Variants in FRAS1 observed in about 807,000 individuals in gnomAD.
The protein encoded by FRAS1 is Fraser extracellular matrix complex subunit 1.
In FRAS1, 290 loss-of-function variants were observed where a neutral mutation model predicts 435.2. That is an observed-to-expected ratio of 0.67 (90% CI 0.61 to 0.73). The LOEUF (loss-of-function observed/expected upper bound fraction) is 0.73. Ranked by LOEUF, FRAS1 falls within the 30% of genes least tolerant of loss-of-function variation. FRAS1 has a pLI of 0.00. For synonymous variants in FRAS1, 1,800 were observed against 1,851.0 expected (o/e 0.97, Z 0.71); for missense variants, 4,860 against 5,001.5 (o/e 0.97, Z 0.85).
In FRAS1 at chr4:78,105,099, G is replaced by A. The variant is rs76620313; in HGVS notation, c.108+39083G>A. Among the ~76,000 whole-genome samples the A allele has an allele frequency of 7.4e-3, 1,131 of 152,084 alleles. 33 individuals are homozygous for A. The South Asian group carries it at 0.091, about 12-fold the overall frequency. ...GCTGTTCTCCCAATTTCTCCTCCTG[G>A]CATCAGCTGGCTCCCTGTGGATATG... On this transcript the variant is annotated intron_variant, in intron 2 of 73. Transcript: ENST00000512123.
intron 59 of FRAS1, among the ~76,000 whole-genome samples, chr4:78,491,045 T>C (rs1244200638): frequency 6.6e-6 from 1 of 152,140 alleles, no homozygotes; most frequent in Non-Finnish European, 1.5e-5. Flanking sequence ...GCAAATAAAC[T>C]AGAAAATCTG....
intron 2 of FRAS1, among the ~76,000 whole-genome samples, chr4:78,152,848 A>G (rs1449299534): frequency 6.6e-6 from 1 of 151,960 alleles, no homozygotes; most frequent in Non-Finnish European, 1.5e-5. Context: ...ATATGATATG[A>G]TTATAAATTG....
chr4:78,312,269 T>C (rs1331306353), intron 15 of FRAS1, among the ~76,000 whole-genome samples: 3 of 150,598 alleles, frequency 2.0e-5, no homozygotes, highest in Non-Finnish European at 4.4e-5. Context: ...TGTTTAGTAA[T>C]TCAGCCTAGC....
At chr4:78,118,485 C>T (rs1718799919) in intron 2 of FRAS1, among the ~76,000 whole-genome samples, 1 of 152,154 alleles carries the variant, frequency 6.6e-6, no homozygotes, top group Non-Finnish European at 1.5e-5. Flanking sequence ...AGCTTCCCGG[C>T]TGCTTTGTTT....
intron 30 of FRAS1, among the ~76,000 whole-genome samples, chr4:78,405,817 G>A (rs1303909419): frequency 6.6e-6 from 1 of 152,222 alleles, no homozygotes; most frequent in African/African-American, 2.4e-5. Flanking sequence ...ATTGTTAGAT[G>A]CATTTTCATG....
chr4:78,065,081 T>TATATATATATATACACACACAC lies in FRAS1; in HGVS notation c.77-901_77-900insTATATATATACACACACACATA, dbSNP rs762909923. On this transcript the variant is annotated intron_variant, in intron 1 of 73. Coordinates refer to ENST00000512123, the MANE Select transcript of FRAS1 (RefSeq NM_025074.7). Reference sequence around the variant, plus strand: ...GTGTATATATATATATATATATATATATACATACACACACACACACTAAAT... The same window carrying TATATATATATATACACACACAC: ...GTGTATATATATATATATATATATATATATATATATATACACACACACATACATACACACACACACACTAAAT... 5.7e-3 allele frequency among the ~76,000 whole-genome samples: 711 copies of TATATATATATATACACACACAC among 125,586 alleles called. 4 individuals are homozygous for TATATATATATATACACACACAC. The highest frequency in any genetic ancestry group is 0.016 in the African/African-American group (537 of 32,868). 82.4% of individuals were successfully genotyped at this position (125,586 alleles called of 152,430 possible). A position where few individuals can be genotyped will look rare whatever the true frequency, so the allele number is the denominator to read the frequency against.
intron 2 of FRAS1, among the ~76,000 whole-genome samples, chr4:78,213,549 C>T (rs960914249): frequency 6.6e-6 from 1 of 152,146 alleles, no homozygotes. Context: ...TCTTATTTTC[C>T]ATGTTTTCTG....
intron 2 of FRAS1, among the ~76,000 whole-genome samples, chr4:78,105,100 C>A (rs1398253554): frequency 1.3e-5 from 2 of 152,202 alleles, no homozygotes; most frequent in Non-Finnish European, 2.9e-5. Flanking sequence ...CTCCTCCTGG[C>A]ATCAGCTGGC....
At position 78,245,330 on chromosome 4, in the gene FRAS1, G is replaced by A. The variant is rs757215971; in HGVS notation, c.309+5G>A. ...CATGAAAAGAAAATCCATGAGGTAA[G>A]TGTTTTCTGACTCACGGTTGATTCT... On this transcript the variant is annotated splice_donor_5th_base_variant and intron_variant, in intron 4 of 73. Coordinates refer to ENST00000512123, the MANE Select transcript of FRAS1 (RefSeq NM_025074.7). The A allele has an allele frequency of 5.7e-6, 9 of 1,578,704 alleles. No homozygotes were observed. In the East Asian group the frequency reaches 1.8e-4, roughly 32 times the overall value.
Position 78,477,831 on chromosome 4 carries a change from G to A in FRAS1, c.7868G>A (p.Arg2623Gln), listed in dbSNP as rs775281743. ...TTGTGACAGGTCCAGTTTGATGAGC[G>A]AGAGGACACCAAGTCCTGCACCATT... ...EYAGQVQFDE[R>Q]EDTKSCTIVI... The change falls in exon 55 of 74, where the codon CGA (arginine) becomes CAA (glutamine). Residue 2623 changes from arginine (R) to glutamine (Q), a missense_variant. Transcript: ENST00000512123. The A allele has an allele frequency of 2.5e-5, 41 of 1,612,984 alleles. No individual in the cohort carries two copies. The highest frequency in any genetic ancestry group is 3.3e-5 in the South Asian group (3 of 90,868).
chr4:78,173,840 A>G lies in FRAS1; in HGVS notation c.109-63670A>G, dbSNP rs560395662. On this transcript the variant is annotated intron_variant, in intron 2 of 73. Coordinates refer to ENST00000512123, the MANE Select transcript of FRAS1 (RefSeq NM_025074.7). ...CCTCATTTAAAACACAATTTTAGAA[A>G]ACCATCATGGGTAAAAATGACAAGG... Among the ~76,000 whole-genome samples the G allele has an allele frequency of 3.3e-5, 5 of 152,348 alleles. No homozygotes were observed. In the South Asian group the frequency reaches 1.0e-3, roughly 32 times the overall value.
intron 2 of FRAS1, among the ~76,000 whole-genome samples, chr4:78,146,360 T>C (rs1274475105): frequency 6.6e-6 from 1 of 152,190 alleles, no homozygotes; most frequent in East Asian, 1.9e-4. Flanking sequence ...CAGATATATA[T>C]TGATTTTCAT....
intron 2 of FRAS1, among the ~76,000 whole-genome samples, chr4:78,166,850 G>A (rs72860699): frequency 0.021 from 3,203 of 152,184 alleles, 115 homozygotes; most frequent in African/African-American, 0.073. Flanking sequence ...CCTAGTACAT[G>A]CTCCTCTATG....
intron 47 of FRAS1, among the ~76,000 whole-genome samples, chr4:78,456,138 C>CA (rs1719187652): frequency 1.9e-5 from 1 of 51,486 alleles, no homozygotes. Flanking sequence ...ACACATGTCA[C>CA]TTTTTTTTTT....
intron 17 of FRAS1, among the ~76,000 whole-genome samples, chr4:78,318,396 C>T (rs1314029433): frequency 6.6e-6 from 1 of 152,150 alleles, no homozygotes; most frequent in Non-Finnish European, 1.5e-5. Context: ...TGGGTAATAA[C>T]ACAACCACCA....
Position 78,131,991 on chromosome 4 carries a change from A to G in FRAS1, c.108+65975A>G, listed in dbSNP as rs541950706. 2.0e-5 allele frequency among the ~76,000 whole-genome samples: 3 copies of G among 152,326 alleles called. No homozygotes were observed. The East Asian group carries it at 5.8e-4, about 29-fold the overall frequency. On this transcript the variant is annotated intron_variant, in intron 2 of 73. Transcript: ENST00000512123. ...TTTGTTTCATTAAATGAACTCACTAAACAAGCTGTTAAAACCCTTCTTTAT... is the reference window on the plus strand; with the variant it reads ...TTTGTTTCATTAAATGAACTCACTAGACAAGCTGTTAAAACCCTTCTTTAT...
At chr4:78,400,271 G>A (rs1578299475) in intron 29 of FRAS1, among the ~76,000 whole-genome samples, 1 of 152,234 alleles carries the variant, frequency 6.6e-6, no homozygotes. Flanking sequence ...AGCATTAATC[G>A]TGAAGCATCC....
chr4:78,278,790 A>G, intron 10 of FRAS1, 46 bp downstream of exon 10: 1 of 1,097,676 alleles, frequency 9.1e-7, no homozygotes, highest in East Asian at 2.4e-5. Flanking sequence ...ATTAATTCAA[A>G]ATTAATCTAA....
intron 2 of FRAS1, among the ~76,000 whole-genome samples, chr4:78,096,760 C>T (rs905412516): frequency 6.6e-6 from 1 of 152,190 alleles, no homozygotes; most frequent in African/African-American, 2.4e-5. Context: ...CTGGGCCTGG[C>T]CCACGAAACC....
Sources: gnomAD v4.1 joint callset for allele counts (sites outside exome capture counted in the v4.1 genomes callset) on GRCh38, gnomAD v4.1.1 for gene constraint, MANE v1.5 for transcripts, NCBI Gene and HGNC (gene_info 2026-07-23, HGNC 2026-07-21) for gene names.